ADGRL4: variants seen among roughly 807,000 people sequenced by gnomAD.
ADGRL4 encodes the protein EGF, latrophilin and seven transmembrane domain containing 1.
In ADGRL4, 90 loss-of-function variants were observed where a neutral mutation model predicts 74.8. That is an observed-to-expected ratio of 1.20 (90% CI 1.02 to 1.43). ADGRL4 has a LOEUF of 1.43. Ranked by LOEUF, ADGRL4 falls within the 40% of genes most tolerant of loss-of-function variation. The pLI, the probability that ADGRL4 is intolerant of heterozygous loss-of-function variation, is 0.00. For missense variants in ADGRL4, 881 were observed against 814.3 expected, an observed-to-expected ratio of 1.08 and a Z score of -1.00; for synonymous variants, 311 against 279.2, an observed-to-expected ratio of 1.11 and a Z score of -1.14.
intron 2 of ADGRL4, among the ~76,000 whole-genome samples, chr1:78,960,785 G>A (rs540639748): frequency 6.6e-6 from 1 of 152,182 alleles, no homozygotes; most frequent in East Asian, 1.9e-4. Context: ...CTTCCACCCT[G>A]CAAGGGTACA....
chr1:79,001,497 C>A (rs1323057676), intron 2 of ADGRL4, among the ~76,000 whole-genome samples: 2 of 151,994 alleles, frequency 1.3e-5, no homozygotes, highest in African/African-American at 2.4e-5. Flanking sequence ...TCCAGAGGGA[C>A]CTGAAGCAGT....
At chr1:78,973,400 T>C (rs964177783) in intron 2 of ADGRL4, among the ~76,000 whole-genome samples, 3 of 151,856 alleles carry the variant, frequency 2.0e-5, no homozygotes, top group Non-Finnish European at 4.4e-5. Flanking sequence ...TTTTAAAACG[T>C]TTCACATAAG....
intron 2 of ADGRL4, among the ~76,000 whole-genome samples, chr1:79,001,784 C>T (rs554136688): frequency 2.0e-4 from 31 of 152,072 alleles, no homozygotes; most frequent in Admixed American, 1.2e-3. Context: ...GAAGGGGATA[C>T]GATAAATATT....
chr1:78,892,284 A>C (rs1648296915), intron 13 of ADGRL4, among the ~76,000 whole-genome samples: 1 of 152,168 alleles, frequency 6.6e-6, no homozygotes, highest in South Asian at 2.1e-4. Context: ...TTTTCTTAAA[A>C]ATTAAAGAAA....
At chr1:78,894,686 T>TA (rs1648357140) in intron 12 of ADGRL4, among the ~76,000 whole-genome samples, 2 of 151,882 alleles carry the variant, frequency 1.3e-5, no homozygotes, top group African/African-American at 2.4e-5. Context: ...ATAAGAGTTG[T>TA]AAAATTTGGT....
At chr1:78,975,403 T>C (rs1203375019) in intron 2 of ADGRL4, among the ~76,000 whole-genome samples, 1 of 152,078 alleles carries the variant, frequency 6.6e-6, no homozygotes, top group Non-Finnish European at 1.5e-5. Flanking sequence ...AGATGGACAG[T>C]GGGAGATGCC....
At chr1:78,988,964 A>C (rs1292543035) in intron 2 of ADGRL4, among the ~76,000 whole-genome samples, 1 of 151,866 alleles carries the variant, frequency 6.6e-6, no homozygotes, top group Non-Finnish European at 1.5e-5. Context: ...AAATTTCATA[A>C]TAATAATTAA....
chr1:78,957,581 T>G (rs903782857), intron 2 of ADGRL4, among the ~76,000 whole-genome samples: 9 of 152,164 alleles, frequency 5.9e-5, no homozygotes, highest in Admixed American at 4.6e-4. Flanking sequence ...CTCCCATCAA[T>G]TCCATAAAGG....
chr1:78,930,408 T>G (rs1191399450), intron 7 of ADGRL4, among the ~76,000 whole-genome samples: 1 of 150,512 alleles, frequency 6.6e-6, no homozygotes, highest in Non-Finnish European at 1.5e-5. Flanking sequence ...ATTGAAATAG[T>G]AACTACTTAC....
At chr1:78,952,944 C>T (rs1205634055) in intron 2 of ADGRL4, among the ~76,000 whole-genome samples, 2 of 152,116 alleles carry the variant, frequency 1.3e-5, no homozygotes, top group Non-Finnish European at 2.9e-5. Context: ...AGAATGGTCT[C>T]TGTTTCTGTT....
Position 78,890,926 on chromosome 1 carries a change from A to G in ADGRL4, c.*228T>C. On this transcript the variant is annotated 3_prime_UTR_variant, in exon 15 of 15. Coordinates refer to ENST00000370742, the MANE Select transcript of ADGRL4 (RefSeq NM_022159.4). Reference sequence around the variant, plus strand: ...TTACTTTCCAAATATCTGCAATACTATTTTTGACAGAACTATTTCACATAG... The same window carrying G: ...TTACTTTCCAAATATCTGCAATACTGTTTTTGACAGAACTATTTCACATAG... 1 of 519,356 alleles carries G rather than the reference A, an allele frequency of 1.9e-6. No homozygotes were observed. Among genetic ancestry groups the G allele is most frequent in the Admixed American group, 3.5e-5 (1 of 28,474 alleles). The allele number at this position is 519,356 out of a possible 1,614,324, so 32.2% of individuals were successfully genotyped here.
At chr1:78,953,526 G>A (rs1196388188) in intron 2 of ADGRL4, among the ~76,000 whole-genome samples, 2 of 152,134 alleles carry the variant, frequency 1.3e-5, no homozygotes, top group Non-Finnish European at 2.9e-5. Flanking sequence ...GAGATAAAAT[G>A]AGTGTGTCTT....
intron 12 of ADGRL4, among the ~76,000 whole-genome samples, chr1:78,894,636 C>G (rs1440237854): frequency 6.6e-6 from 1 of 151,546 alleles, no homozygotes; most frequent in Non-Finnish European, 1.5e-5. Flanking sequence ...TTGGAAACAA[C>G]TGTATTTAAT....
At chr1:78,909,234 T>C (rs1648706739) in intron 12 of ADGRL4, among the ~76,000 whole-genome samples, 1 of 152,134 alleles carries the variant, frequency 6.6e-6, no homozygotes. Context: ...GTTTCTAATA[T>C]AACTTTAATG....
chr1:78,945,304 T>C (rs935320188), intron 3 of ADGRL4, among the ~76,000 whole-genome samples: 1 of 151,790 alleles, frequency 6.6e-6, no homozygotes, highest in Non-Finnish European at 1.5e-5. Context: ...CCCTTCTCTA[T>C]GTTGCATGTA....
intron 2 of ADGRL4, among the ~76,000 whole-genome samples, chr1:79,001,258 G>T (rs1056869522): frequency 6.6e-6 from 1 of 150,914 alleles, no homozygotes; most frequent in African/African-American, 2.4e-5. Context: ...AGGAAGGTAT[G>T]AATGAATTAT....
intron 12 of ADGRL4, among the ~76,000 whole-genome samples, chr1:78,911,362 C>T (rs1412167849): frequency 6.6e-6 from 1 of 151,774 alleles, no homozygotes; most frequent in Admixed American, 6.6e-5. Context: ...CCCTAATTAC[C>T]TATTTAAATT....
At chr1:78,998,362 CTTTTTTTTTT>C (rs71078519) in intron 2 of ADGRL4, among the ~76,000 whole-genome samples, 4 of 65,010 alleles carry the variant, frequency 6.2e-5, no homozygotes, top group African/African-American at 1.2e-4. Flanking sequence ...TCCACTGATT[CTTTTTTTTTT>C]TTTTTTTTTT....
intron 7 of ADGRL4, among the ~76,000 whole-genome samples, chr1:78,929,108 G>T (rs1649183354): frequency 6.6e-6 from 1 of 151,510 alleles, no homozygotes; most frequent in Non-Finnish European, 1.5e-5. Context: ...CTTAACAAAA[G>T]TCTATTATCT....
Sources: allele counts gnomAD v4.1 joint callset (sites outside exome capture counted in the v4.1 genomes callset), GRCh38; gene constraint gnomAD v4.1.1; transcripts MANE v1.5; gene names NCBI Gene and HGNC (gene_info 2026-07-23, HGNC 2026-07-21).